CCDC3: variants seen among roughly 807,000 people sequenced by gnomAD.
CCDC3 encodes coiled-coil domain-containing protein 3.
Under a neutral mutation model 21.4 loss-of-function variants are expected in CCDC3, and 24 were observed. That is an observed-to-expected ratio of 1.12 (90% CI 0.81 to 1.58). The LOEUF (loss-of-function observed/expected upper bound fraction) is 1.58. CCDC3 is among the 40% of genes most tolerant of loss of function. The probability of loss-of-function intolerance (pLI) is 0.00; values close to 1 mark genes in which losing one functional copy is unlikely to be tolerated. For synonymous variants in CCDC3, 186 were observed against 166.0 expected (o/e 1.12, Z -0.93); for missense variants, 425 against 360.9 (o/e 1.18, Z -1.44).
chr10:13,019,869 G>A (rs1258872300), intron 5 of CCDC3, among the ~76,000 whole-genome samples: 1 of 151,990 alleles, frequency 6.6e-6, no homozygotes, highest in Admixed American at 6.6e-5. Context: ...GGTAGTGCAC[G>A]CCTGTAATCC....
At chr10:12,962,730 G>A (rs920284876) in intron 2 of CCDC3, among the ~76,000 whole-genome samples, 1 of 152,160 alleles carries the variant, frequency 6.6e-6, no homozygotes, top group Non-Finnish European at 1.5e-5. Context: ...GGTATAAAAT[G>A]ACATCAAACA....
At chr10:13,092,369 A>G (rs1336576875) in intron 3 of CCDC3, among the ~76,000 whole-genome samples, 5 of 152,202 alleles carry the variant, frequency 3.3e-5, no homozygotes, top group Non-Finnish European at 5.9e-5. Flanking sequence ...AATCGTTGCA[A>G]TGGGAAATAC....
intron 4 of CCDC3, among the ~76,000 whole-genome samples, chr10:13,059,265 A>G (rs1836722623): frequency 6.6e-6 from 1 of 152,114 alleles, no homozygotes; most frequent in Admixed American, 6.6e-5. Flanking sequence ...TTCAGTCTGG[A>G]CCTTTGAACA....
chr10:12,984,522 T>C (rs1835557965), intron 2 of CCDC3, among the ~76,000 whole-genome samples: 1 of 152,218 alleles, frequency 6.6e-6, no homozygotes, highest in Non-Finnish European at 1.5e-5. Context: ...CTAAACATAG[T>C]TACCATCTGA....
At chr10:13,096,596 T>C (rs1009007644) in intron 3 of CCDC3, among the ~76,000 whole-genome samples, 7 of 152,156 alleles carry the variant, frequency 4.6e-5, no homozygotes, top group Admixed American at 3.3e-4. Context: ...GGGCTTTTGG[T>C]ACCCATTGAA....
chr10:13,008,701 C>T (rs915482682), intron 5 of CCDC3, among the ~76,000 whole-genome samples: 2 of 152,106 alleles, frequency 1.3e-5, no homozygotes, highest in Non-Finnish European at 2.9e-5. Context: ...TTTTATCTGT[C>T]CCACAAGTCT....
At chr10:12,899,281 A>C (rs938471974) in intron 2 of CCDC3, among the ~76,000 whole-genome samples, 1 of 152,210 alleles carries the variant, frequency 6.6e-6, no homozygotes, top group Admixed American at 6.5e-5. Context: ...CATAAAAAAA[A>C]CAAATGAAAG....
intron 4 of CCDC3, chr10:13,058,353 T>G (rs2131430338): frequency 8.8e-7 from 1 of 1,134,426 alleles, no homozygotes; most frequent in Admixed American, 1.7e-5. Flanking sequence ...CTACTGAGAA[T>G]CCTGTGGGTC....
At chr10:12,985,898 C>T (rs1185996169) in intron 2 of CCDC3, among the ~76,000 whole-genome samples, 1 of 152,104 alleles carries the variant, frequency 6.6e-6, no homozygotes, top group Non-Finnish European at 1.5e-5. Flanking sequence ...TGTTTTGGGA[C>T]GGAGTTTTGC....
chr10:12,974,850 A>T (rs2248173), intron 2 of CCDC3, among the ~76,000 whole-genome samples: 86,460 of 152,100 alleles, frequency 0.57, 24,600 homozygotes, highest in South Asian at 0.65. Flanking sequence ...CTCCCCAGTG[A>T]TATATTCCTC....
chr10:13,082,273 T>A (rs570076554), intron 3 of CCDC3, among the ~76,000 whole-genome samples: 1 of 152,356 alleles, frequency 6.6e-6, no homozygotes, highest in East Asian at 1.9e-4. Context: ...TAAGGTCACG[T>A]GGGTCACATG....
intron 3 of CCDC3, among the ~76,000 whole-genome samples, chr10:13,089,229 T>C (rs1257205221): frequency 6.6e-6 from 1 of 152,174 alleles, no homozygotes; most frequent in Non-Finnish European, 1.5e-5. Context: ...TTAACACTTA[T>C]TTATGAATAT....
At chr10:12,958,692 TG>T (rs1318606225) in intron 2 of CCDC3, among the ~76,000 whole-genome samples, 7 of 152,142 alleles carry the variant, frequency 4.6e-5, no homozygotes. Context: ...CTGCCAGAGC[TG>T]GGGGGCAGGG....
intron 2 of CCDC3, among the ~76,000 whole-genome samples, chr10:12,982,436 C>A (rs1835513226): frequency 6.6e-6 from 1 of 151,734 alleles, no homozygotes; most frequent in Non-Finnish European, 1.5e-5. Context: ...AGCGTACACA[C>A]AGTTAACAAT....
intron 2 of CCDC3, among the ~76,000 whole-genome samples, chr10:12,944,101 C>T (rs1346416280): frequency 6.6e-6 from 1 of 152,172 alleles, no homozygotes; most frequent in Non-Finnish European, 1.5e-5. Context: ...TAGAGTACCA[C>T]ATGACAGATA....
In CCDC3 at chr10:12,898,552, C is replaced by G; in HGVS notation, c.677G>C (p.Arg226Thr). The G allele has an allele frequency of 1.9e-6, 3 of 1,614,234 alleles. No homozygotes were observed. Among genetic ancestry groups the G allele is most frequent in the Non-Finnish European group, 2.5e-6 (3 of 1,180,048 alleles). The change falls in exon 3 of 3, where the codon AGG becomes ACG. Residue 226 changes from arginine (R) to threonine (T), a missense_variant. Coordinates refer to ENST00000378825, the MANE Select transcript of CCDC3 (RefSeq NM_031455.4). ...QLRERVKKVK[R>T]SLRQARKKGR... ...CTTCTTACGCGCCTGCCGCAAGGACCTCTTGACCTTCTTCACTCGCTCCCG... is the reference window on the plus strand; with the variant it reads ...CTTCTTACGCGCCTGCCGCAAGGACGTCTTGACCTTCTTCACTCGCTCCCG...
At chr10:13,023,423 G>A (rs916630725) in intron 5 of CCDC3, among the ~76,000 whole-genome samples, 1 of 152,092 alleles carries the variant, frequency 6.6e-6, no homozygotes, top group South Asian at 2.1e-4. Context: ...AAGGTTTTCT[G>A]GGGTTTCAGT....
At chr10:12,957,519 G>A (rs551418335) in intron 2 of CCDC3, among the ~76,000 whole-genome samples, 9 of 152,226 alleles carry the variant, frequency 5.9e-5, no homozygotes, top group Non-Finnish European at 1.0e-4. Context: ...GTCTCACGTG[G>A]AACTGCAGTC....
At chr10:12,910,285 G>C (rs145609770) in intron 2 of CCDC3, among the ~76,000 whole-genome samples, 18 of 152,164 alleles carry the variant, frequency 1.2e-4, no homozygotes, top group East Asian at 1.9e-4. Flanking sequence ...TGCTGGCTAC[G>C]TAGCTGTTTT....
Sources: allele counts gnomAD v4.1 joint callset (sites outside exome capture counted in the v4.1 genomes callset), GRCh38; gene constraint gnomAD v4.1.1; transcripts MANE v1.5; gene names NCBI Gene and HGNC (gene_info 2026-07-23, HGNC 2026-07-21).